GRAMD2B: variants seen among roughly 807,000 people sequenced by gnomAD.
GRAMD2B encodes GRAM domain containing 2B.
A neutral mutation model predicts 59.2 loss-of-function variants in GRAMD2B; 41 were observed. The observed-to-expected ratio is 0.69, with a 90% CI of 0.54 to 0.90. The LOEUF is 0.90. Among genes scored for constraint, GRAMD2B ranks in the 40% least tolerant of loss-of-function variants. GRAMD2B has a pLI of 0.00. For missense variants in GRAMD2B, 424 were observed against 500.5 expected (o/e 0.85, Z 1.46); for synonymous variants, 161 against 182.7 (o/e 0.88, Z 0.96).
rs752198516 is a variant in GRAMD2B at position 126,465,564 on chromosome 5, C to CT, written c.203+20dup. 1.2e-6 allele frequency: 2 copies of CT among 1,606,772 alleles called. No individual in the cohort carries two copies. Among genetic ancestry groups the CT allele is most frequent in the Non-Finnish European group, 1.7e-6 (2 of 1,177,096 alleles). On this transcript the variant is annotated intron_variant, in intron 2 of 13. Coordinates refer to ENST00000285689, the MANE Select transcript of GRAMD2B (RefSeq NM_023927.4). ...GCCTATGGTAAGTCCTCCGTTGACT[C>CT]TCTTTGTTCTCTTTTGTCTTTTGGG...
chr5:126,483,071 T>G (rs912040208), intron 8 of GRAMD2B, among the ~76,000 whole-genome samples: 5 of 152,322 alleles, frequency 3.3e-5, no homozygotes, highest in Admixed American at 2.0e-4. Flanking sequence ...TTTCTCTCTG[T>G]CTACATATTT....
At chr5:126,465,129 C>T in intron 1 of GRAMD2B, 1 of 1,224,754 alleles carries the variant, frequency 8.2e-7, no homozygotes, top group Non-Finnish European at 1.0e-6. Flanking sequence ...AGGTGATCTG[C>T]TGCCCCAGCA....
In GRAMD2B at chr5:126,451,818, A is replaced by G. The variant is rs774898751; in HGVS notation, c.84-13608A>G. ...GGATCGCAGCAGTGGATCCTTCACA[A>G]ATGGGTTTGCACCATCCCCTTGGTG... is the stretch of plus-strand genomic sequence containing the variant. On this transcript the variant is annotated intron_variant, in intron 1 of 13. Coordinates refer to ENST00000285689, the MANE Select transcript of GRAMD2B (RefSeq NM_023927.4). 6.6e-5 allele frequency among the ~76,000 whole-genome samples: 10 copies of G among 152,278 alleles called. No individual in the cohort carries two copies. The South Asian group carries it at 2.1e-3, about 32-fold the overall frequency.
intron 1 of GRAMD2B, among the ~76,000 whole-genome samples, chr5:126,398,138 C>T (rs1031304199): frequency 6.6e-6 from 1 of 151,276 alleles, no homozygotes; most frequent in African/African-American, 2.4e-5. Flanking sequence ...ATCCTCTCAC[C>T]CCAGCCTTCC....
At chr5:126,370,135 A>G (rs1754671256), upstream of GRAMD2B, among the ~76,000 whole-genome samples, 3 of 152,192 alleles carry the variant, frequency 2.0e-5, no homozygotes, top group Admixed American at 2.0e-4. Context: ...CCCAGCACTA[A>G]AGATTTCCTG....
intron 13 of GRAMD2B, among the ~76,000 whole-genome samples, chr5:126,491,109 A>T (rs867582655): frequency 6.6e-6 from 1 of 152,016 alleles, no homozygotes; most frequent in Non-Finnish European, 1.5e-5. Context: ...TTTACTGGCC[A>T]TTTGGGTTTT....
chr5:126,387,232 A>T (rs1756231923), intron 1 of GRAMD2B, among the ~76,000 whole-genome samples: 1 of 150,956 alleles, frequency 6.6e-6, no homozygotes, highest in South Asian at 2.1e-4. Context: ...AAAAACCACC[A>T]ATACTGAGCT....
intron 1 of GRAMD2B, among the ~76,000 whole-genome samples, chr5:126,404,973 G>A (rs1378227627): frequency 1.3e-5 from 2 of 151,876 alleles, no homozygotes; most frequent in Non-Finnish European, 2.9e-5. Flanking sequence ...TCTACACTGA[G>A]GAAACCAAAG....
At chr5:126,487,563 A>T (rs1408053186) in intron 12 of GRAMD2B, among the ~76,000 whole-genome samples, 1 of 152,218 alleles carries the variant, frequency 6.6e-6, no homozygotes, top group African/African-American at 2.4e-5. Flanking sequence ...CATTGCCTAA[A>T]AAGTGAAATA....
intron 1 of GRAMD2B, among the ~76,000 whole-genome samples, chr5:126,399,601 T>A (rs887690601): frequency 6.6e-6 from 1 of 152,162 alleles, no homozygotes; most frequent in African/African-American, 2.4e-5. Flanking sequence ...GAACTGTGAG[T>A]TCATTAAACC....
chr5:126,380,509 A>G (rs1218648237), intron 1 of GRAMD2B, among the ~76,000 whole-genome samples: 2 of 152,142 alleles, frequency 1.3e-5, no homozygotes, highest in Non-Finnish European at 1.5e-5. Flanking sequence ...CATTTTCACA[A>G]TATTCATTCT....
intron 1 of GRAMD2B, among the ~76,000 whole-genome samples, chr5:126,455,116 C>T (rs1766046645): frequency 6.6e-6 from 1 of 152,084 alleles, no homozygotes; most frequent in Admixed American, 6.6e-5. Context: ...CTGGATTTTC[C>T]CTCCAACGCA....
At chr5:126,460,062 G>A (rs1485132288) in intron 1 of GRAMD2B, among the ~76,000 whole-genome samples, 1 of 152,122 alleles carries the variant, frequency 6.6e-6, no homozygotes. Flanking sequence ...TCCTTACGAT[G>A]TAACTTTATG....
At chr5:126,363,692 C>A (rs2149683703) in intron 1 of GRAMD2B, among the ~76,000 whole-genome samples, 1 of 152,114 alleles carries the variant, frequency 6.6e-6, no homozygotes, top group East Asian at 1.9e-4. Flanking sequence ...ATAGTATGAT[C>A]CCATCTATAT....
At chr5:126,459,665 G>C (rs1055767435) in intron 1 of GRAMD2B, among the ~76,000 whole-genome samples, 3 of 152,150 alleles carry the variant, frequency 2.0e-5, no homozygotes, top group Admixed American at 1.3e-4. Context: ...AACTGTAGTG[G>C]AATATTTTTT....
In GRAMD2B at chr5:126,371,568, G is replaced by T; in HGVS notation, c.125+1G>T. ...ACAGCCCCAGCTCGGTGTTCCTCAG[G>T]TGGGTACAGCCTGGGCCTGGCCATC... is the stretch of plus-strand genomic sequence containing the variant. On this transcript the variant is annotated splice_donor_variant, in intron 1 of 8. Transcript: ENST00000506445. LOFTEE classifies it high-confidence loss of function. The T allele has an allele frequency of 3.1e-6, 4 of 1,288,122 alleles. No individual in the cohort carries two copies. Among genetic ancestry groups the T allele is most frequent in the Non-Finnish European group, 3.0e-6 (3 of 988,242 alleles). The allele number at this position is 1,288,122 out of a possible 1,614,324, so 79.8% of individuals were successfully genotyped here.
At chr5:126,439,473 C>T (rs988689780) in intron 1 of GRAMD2B, among the ~76,000 whole-genome samples, 5 of 151,542 alleles carry the variant, frequency 3.3e-5, no homozygotes, top group South Asian at 2.1e-4. Context: ...ATTACAGGCA[C>T]GTGCCACCAT....
intron 1 of GRAMD2B, among the ~76,000 whole-genome samples, chr5:126,381,253 C>T (rs1003711228): frequency 1.1e-4 from 17 of 152,254 alleles, no homozygotes; most frequent in African/African-American, 4.1e-4. Context: ...ATAAAACCCA[C>T]TTGATCATGG....
intron 1 of GRAMD2B, among the ~76,000 whole-genome samples, chr5:126,413,363 C>A (rs907569910): frequency 2.0e-5 from 3 of 151,924 alleles, no homozygotes; most frequent in African/African-American, 7.3e-5. Context: ...GTTGTTTATC[C>A]AAAAGTAATT....
Sources: allele counts gnomAD v4.1 joint callset (sites outside exome capture counted in the v4.1 genomes callset), GRCh38; gene constraint gnomAD v4.1.1; transcripts MANE v1.5; gene names NCBI Gene and HGNC (gene_info 2026-07-23, HGNC 2026-07-21).